ARHGEF3: variants seen among roughly 807,000 people sequenced by gnomAD.
ARHGEF3 encodes 59.8 kDA protein.
In ARHGEF3, 28 loss-of-function variants were observed where a neutral mutation model predicts 63.2. The observed-to-expected ratio is 0.44, with a 90% CI of 0.33 to 0.61. The LOEUF (loss-of-function observed/expected upper bound fraction) is 0.61. Among genes scored for constraint, ARHGEF3 ranks in the 20% least tolerant of loss-of-function variants. The pLI is 0.03. For missense variants in ARHGEF3, 533 were observed against 659.3 expected (o/e 0.81, Z 2.10); for synonymous variants, 266 against 254.2 (o/e 1.05, Z -0.44).
At chr3:56,895,374 T>C (rs1054053601) in intron 3 of ARHGEF3, among the ~76,000 whole-genome samples, 5 of 152,188 alleles carry the variant, frequency 3.3e-5, no homozygotes, top group African/African-American at 7.2e-5. Context: ...AAATGGTCCA[T>C]GGCTGCTCCC....
Position 57,022,695 on chromosome 3 carries a change from G to A in ARHGEF3, c.62+12393C>T, listed in dbSNP as rs145101530. ...TCTGTTGACTGGGAACCAATCTCCC[G>A]AGACTGCCCTGTCCAGTCACCTGGG... On this transcript the variant is annotated intron_variant, in intron 2 of 12. Coordinates refer to the ARHGEF3 transcript ENST00000338458. Among the ~76,000 whole-genome samples, 55 of 151,744 alleles carry A rather than the reference G, an allele frequency of 3.6e-4. No homozygotes were observed. In the East Asian group the frequency reaches 0.011, roughly 29 times the overall value.
In ARHGEF3 at chr3:57,014,980, C is replaced by T. The variant is rs541417309; in HGVS notation, c.62+20108G>A. ...GACTACAGGCGTGAGCCACTGTGCC[C>T]GGCCAAAGCTTGTTAACTTTTTTCA... is the stretch of plus-strand genomic sequence containing the variant. On this transcript the variant is annotated intron_variant, in intron 2 of 12. Coordinates refer to the ARHGEF3 transcript ENST00000338458. Among the ~76,000 whole-genome samples the T allele has an allele frequency of 6.6e-4, 100 of 151,918 alleles. 1 individual carries two copies. The highest frequency in any genetic ancestry group is 2.2e-3 in the African/African-American group (93 of 41,480).
At chr3:56,789,910 G>A (rs573158911) in intron 1 of ARHGEF3, among the ~76,000 whole-genome samples, 1 of 152,148 alleles carries the variant, frequency 6.6e-6, no homozygotes, top group Non-Finnish European at 1.5e-5. Context: ...AATTCCAAGT[G>A]GAAACTTGAA....
chr3:57,042,344 G>A (rs141950247), intron 1 of ARHGEF3, among the ~76,000 whole-genome samples: 44 of 152,112 alleles, frequency 2.9e-4, no homozygotes, highest in Admixed American at 2.2e-3. Context: ...CTCAACATTA[G>A]AGGGGAAAAA....
intron 3 of ARHGEF3, among the ~76,000 whole-genome samples, chr3:56,944,224 G>C (rs73086377): frequency 0.12 from 17,575 of 152,108 alleles, 1,275 homozygotes; most frequent in East Asian, 0.25. Flanking sequence ...AAGGCCATAG[G>C]TGCCATAGAC....
intron 1 of ARHGEF3, among the ~76,000 whole-genome samples, chr3:56,779,022 G>A (rs1258020586): frequency 6.6e-6 from 1 of 151,938 alleles, no homozygotes; most frequent in Non-Finnish European, 1.5e-5. Flanking sequence ...ACATACCCAA[G>A]GACAACACTC....
At chr3:56,777,346 G>A (rs1450565262) in intron 1 of ARHGEF3, among the ~76,000 whole-genome samples, 1 of 152,092 alleles carries the variant, frequency 6.6e-6, no homozygotes, top group Non-Finnish European at 1.5e-5. Context: ...AGAGAATAAA[G>A]GCATACAGGT....
chr3:57,033,140 G>T (rs528364394), intron 2 of ARHGEF3, among the ~76,000 whole-genome samples: 1 of 152,316 alleles, frequency 6.6e-6, no homozygotes, highest in Admixed American at 6.5e-5. Flanking sequence ...GCAAATAGGA[G>T]ATCTGGTGCC....
chr3:56,750,572 G>GT (rs1028007098), intron 6 of ARHGEF3, among the ~76,000 whole-genome samples: 2 of 149,120 alleles, frequency 1.3e-5, no homozygotes, highest in Admixed American at 6.7e-5. Context: ...GGCCTAAAAA[G>GT]TTTTTTTTAA....
chr3:56,840,005 G>A (rs7636889), intron 4 of ARHGEF3, among the ~76,000 whole-genome samples: 114,050 of 152,074 alleles, frequency 0.75, 42,901 homozygotes, highest in East Asian at 0.81. Flanking sequence ...ATCTCATCTT[G>A]GCCGTGTGTC....
chr3:56,991,894 C>T (rs541591019), intron 2 of ARHGEF3, among the ~76,000 whole-genome samples: 1 of 152,330 alleles, frequency 6.6e-6, no homozygotes, highest in African/African-American at 2.4e-5. Flanking sequence ...GAATTACAGG[C>T]ATGAGCCACC....
intron 4 of ARHGEF3, among the ~76,000 whole-genome samples, chr3:56,827,736 C>G (rs1251798410): frequency 1.7e-5 from 1 of 60,462 alleles, no homozygotes; most frequent in Non-Finnish European, 3.0e-5. Flanking sequence ...GGCAACGTGG[C>G]AAAACCCTGT....
At chr3:56,913,045 G>A (rs2041894380) in intron 3 of ARHGEF3, among the ~76,000 whole-genome samples, 1 of 152,020 alleles carries the variant, frequency 6.6e-6, no homozygotes, top group Non-Finnish European at 1.5e-5. Flanking sequence ...AGGCTGAGGT[G>A]GGAAGACTGC....
chr3:56,780,918 A>G (rs530228799), intron 1 of ARHGEF3, among the ~76,000 whole-genome samples: 9 of 152,350 alleles, frequency 5.9e-5, no homozygotes, highest in African/African-American at 2.2e-4. Flanking sequence ...CCACTGAAAG[A>G]TAAGTGTAAG....
chr3:56,781,349 C>A (rs373114269), intron 1 of ARHGEF3, among the ~76,000 whole-genome samples: 71 of 151,882 alleles, frequency 4.7e-4, no homozygotes, highest in African/African-American at 1.6e-3. Flanking sequence ...TGGGTTCAAG[C>A]GATTCTCCTG....
At position 56,788,598 on chromosome 3, in the gene ARHGEF3, T is replaced by C. The variant is rs991730899; in HGVS notation, c.96+13105A>G. 5.3e-5 allele frequency among the ~76,000 whole-genome samples: 8 copies of C among 152,270 alleles called. 2 individuals carry two copies. The highest frequency in any genetic ancestry group is 6.5e-5 in the Admixed American group (1 of 15,302). On this transcript the variant is annotated intron_variant, in intron 1 of 9. Coordinates refer to ENST00000296315, the MANE Select transcript of ARHGEF3 (RefSeq NM_019555.3). ...AAGCACCCTGCAAATGAATAGGGCATGAAGAGCTCAAAGCAACCTAATCCA... is the reference window on the plus strand; with the variant it reads ...AAGCACCCTGCAAATGAATAGGGCACGAAGAGCTCAAAGCAACCTAATCCA...
intron 3 of ARHGEF3, among the ~76,000 whole-genome samples, chr3:56,916,950 G>C (rs1358438306): frequency 6.6e-6 from 1 of 152,172 alleles, no homozygotes; most frequent in Non-Finnish European, 1.5e-5. Flanking sequence ...TCTCTTCAGA[G>C]CCCTTTCAAA....
At chr3:56,854,500 C>T (rs75614984) in intron 4 of ARHGEF3, among the ~76,000 whole-genome samples, 5 of 152,152 alleles carry the variant, frequency 3.3e-5, no homozygotes, top group East Asian at 3.9e-4. Flanking sequence ...GAAGATGCCT[C>T]GGGTTCAGTG....
intron 6 of ARHGEF3, among the ~76,000 whole-genome samples, chr3:56,748,656 A>C (rs1438014490): frequency 6.6e-6 from 1 of 152,018 alleles, no homozygotes; most frequent in Non-Finnish European, 1.5e-5. Flanking sequence ...AGAGCTTATA[A>C]AGTATTTCAT....
Sources: allele counts gnomAD v4.1 joint callset (sites outside exome capture counted in the v4.1 genomes callset), GRCh38; gene constraint gnomAD v4.1.1; transcripts MANE v1.5; gene names NCBI Gene and HGNC (gene_info 2026-07-23, HGNC 2026-07-21).